The following DOCK3 variants were observed in gnomAD, a reference collection of about 807,000 sequenced individuals.
The protein encoded by DOCK3 is dedicator of cytokinesis protein 3.
In DOCK3, 60 loss-of-function variants were observed where a neutral mutation model predicts 265.6. The observed-to-expected ratio is 0.23, with a 90% confidence interval of 0.18 to 0.28. The LOEUF (loss-of-function observed/expected upper bound fraction) is 0.28. DOCK3 is among the 10% of genes least tolerant of loss of function. The pLI is 1.00. For missense variants in DOCK3, 1,981 were observed against 2,594.3 expected, an observed-to-expected ratio of 0.76 and a Z score of 5.14; for synonymous variants, 881 against 938.0, an observed-to-expected ratio of 0.94 and a Z score of 1.11.
At chr3:50,912,136 C>T (rs570346661) in intron 4 of DOCK3, among the ~76,000 whole-genome samples, 11 of 152,144 alleles carry the variant, frequency 7.2e-5, no homozygotes, top group African/African-American at 1.9e-4. Context: ...TTACTTCCTC[C>T]GTTCCACTTT....
At chr3:50,797,855 A>C (rs993093565) in intron 2 of DOCK3, among the ~76,000 whole-genome samples, 11 of 152,128 alleles carry the variant, frequency 7.2e-5, no homozygotes, top group Non-Finnish European at 1.5e-4. Flanking sequence ...GCCCATTTTC[A>C]ATTTTAATTG....
chr3:51,284,729 T>C (rs1576651764), intron 27 of DOCK3, among the ~76,000 whole-genome samples: 1 of 152,208 alleles, frequency 6.6e-6, no homozygotes, highest in East Asian at 1.9e-4. Context: ...GAGCCTTTCC[T>C]TTGGCTCACC....
chr3:50,804,250 C>A (rs911184805), intron 2 of DOCK3, among the ~76,000 whole-genome samples: 1 of 150,638 alleles, frequency 6.6e-6, no homozygotes, highest in Non-Finnish European at 1.5e-5. Flanking sequence ...TCCTCACTTC[C>A]CAGACTGGGC....
intron 51 of DOCK3, chr3:51,379,613 CAG>C: frequency 1.0e-6 from 1 of 985,490 alleles, no homozygotes. Flanking sequence ...TCCCTGGTCT[CAG>C]ACTCTGCTCA....
At chr3:50,978,908 C>T (rs2077583830) in intron 5 of DOCK3, among the ~76,000 whole-genome samples, 1 of 152,168 alleles carries the variant, frequency 6.6e-6, no homozygotes, top group Non-Finnish European at 1.5e-5. Flanking sequence ...ACCCGATTTT[C>T]CAGGTGCTGT....
intron 13 of DOCK3, among the ~76,000 whole-genome samples, chr3:51,212,258 C>G (rs1429219874): frequency 6.6e-6 from 1 of 152,176 alleles, no homozygotes; most frequent in Non-Finnish European, 1.5e-5. Flanking sequence ...TTCAGGATCC[C>G]TTTGGGTAGC....
chr3:51,312,176 T>A, intron 29 of DOCK3, 97 bp downstream of exon 29: 1 of 1,101,160 alleles, frequency 9.1e-7, no homozygotes, highest in Non-Finnish European at 1.3e-6. Context: ...AGATTCATAG[T>A]ATCAAACAGC....
intron 1 of DOCK3, among the ~76,000 whole-genome samples, chr3:50,738,417 C>T (rs1451378500): frequency 6.6e-6 from 1 of 152,304 alleles, no homozygotes; most frequent in Admixed American, 6.5e-5. Flanking sequence ...TCCATGGGAG[C>T]TGACCTAGAA....
chr3:51,119,698 TATTTC>T (rs1371092436), intron 9 of DOCK3, among the ~76,000 whole-genome samples: 1 of 152,030 alleles, frequency 6.6e-6, no homozygotes, highest in Non-Finnish European at 1.5e-5. Flanking sequence ...CTTCACGACT[TATTTC>T]AGTAAGTTGA....
intron 1 of DOCK3, among the ~76,000 whole-genome samples, chr3:50,723,584 C>T (rs893871890): frequency 3.9e-5 from 6 of 152,138 alleles, no homozygotes; most frequent in Non-Finnish European, 7.4e-5. Context: ...TTGACAAAAA[C>T]GAGCAATGGG....
chr3:51,195,844 G>T (rs1280968898), intron 12 of DOCK3, among the ~76,000 whole-genome samples: 2 of 152,108 alleles, frequency 1.3e-5, no homozygotes, highest in Non-Finnish European at 2.9e-5. Flanking sequence ...GTCTGGAAAA[G>T]ATTTTATTTC....
At chr3:50,961,420 T>G (rs2076883032) in intron 5 of DOCK3, among the ~76,000 whole-genome samples, 1 of 152,170 alleles carries the variant, frequency 6.6e-6, no homozygotes, top group Admixed American at 6.5e-5. Flanking sequence ...ATTGCTAGTT[T>G]ATAAACAGAA....
intron 4 of DOCK3, among the ~76,000 whole-genome samples, chr3:50,911,330 T>C (rs1163643803): frequency 6.6e-6 from 1 of 152,124 alleles, no homozygotes; most frequent in East Asian, 1.9e-4. Context: ...AAATTGACTT[T>C]TGTATGTGGT....
intron 22 of DOCK3, among the ~76,000 whole-genome samples, chr3:51,257,853 G>C (rs761558069): frequency 6.6e-6 from 1 of 152,050 alleles, no homozygotes; most frequent in Admixed American, 6.6e-5. Context: ...CCTCTGCCCC[G>C]CTCTCCTTCC....
At chr3:51,257,560 A>G (rs1457928796) in intron 22 of DOCK3, among the ~76,000 whole-genome samples, 1 of 152,182 alleles carries the variant, frequency 6.6e-6, no homozygotes, top group Non-Finnish European at 1.5e-5. Context: ...GCTCTTCACA[A>G]GGCATTCCAA....
chr3:50,677,623 T>C (rs1179861273), intron 1 of DOCK3, among the ~76,000 whole-genome samples: 1 of 152,194 alleles, frequency 6.6e-6, no homozygotes, highest in Non-Finnish European at 1.5e-5. Flanking sequence ...ACTTACTTCC[T>C]ACCAATTTGG....
intron 1 of DOCK3, among the ~76,000 whole-genome samples, chr3:50,726,020 A>G (rs2037801653): frequency 6.6e-6 from 1 of 152,216 alleles, no homozygotes; most frequent in Non-Finnish European, 1.5e-5. Flanking sequence ...TGCATGACAT[A>G]AAATGGAATA....
chr3:50,709,332 A>G (rs1471835535), intron 1 of DOCK3, among the ~76,000 whole-genome samples: 3 of 152,152 alleles, frequency 2.0e-5, no homozygotes, highest in African/African-American at 7.2e-5. Flanking sequence ...AGCTTATACC[A>G]TCAGCTACTA....
chr3:50,797,492 G>A (rs2042852413), intron 2 of DOCK3, among the ~76,000 whole-genome samples: 1 of 152,220 alleles, frequency 6.6e-6, no homozygotes, highest in African/African-American at 2.4e-5. Context: ...CCGGACAGCA[G>A]ATGAGACCTA....
Sources: allele counts gnomAD v4.1 joint callset (sites outside exome capture counted in the v4.1 genomes callset), GRCh38; gene constraint gnomAD v4.1.1; transcripts MANE v1.5; gene names NCBI Gene and HGNC (gene_info 2026-07-23, HGNC 2026-07-21).